UGT1A9: variants seen among roughly 807,000 people sequenced by gnomAD.
UGT1A9 encodes the protein UDP glucuronosyltransferase family 1 member A9, also known as UDP-glucuronosyltransferase 1A9.
Under a neutral mutation model 45.0 loss-of-function variants are expected in UGT1A9, and 35 were observed. That is an observed-to-expected ratio of 0.78 (90% CI 0.59 to 1.03). UGT1A9 has a LOEUF of 1.03. UGT1A9 is among the 50% of genes least tolerant of loss of function. UGT1A9 has a pLI of 0.00. For synonymous variants in UGT1A9, 278 were observed against 250.6 expected (o/e 1.11, Z -1.03); for missense variants, 687 against 666.6 (o/e 1.03, Z -0.34).
Position 233,743,607 on chromosome 2 carries a change from A to G in UGT1A9, c.856-23427A>G, listed in dbSNP as rs531629615. 1.8e-5 allele frequency: 24 copies of G among 1,367,342 alleles called. No homozygotes were observed. In the East Asian group the frequency reaches 1.0e-3, roughly 57 times the overall value. 84.7% of individuals were successfully genotyped at this position (1,367,342 alleles called of 1,614,324 possible). A position where few individuals can be genotyped will look rare whatever the true frequency, so the allele number is the denominator to read the frequency against. The stretch of plus-strand genomic sequence containing the variant: ...AAGGAGAATGGGTCCTGGCCGCCGA[A>G]GAACTCCCTGAAGACGTCGGCTGGG... On this transcript the variant is annotated intron_variant, in intron 1 of 4. Transcript: ENST00000354728.
At chr2:233,687,189 C>T (rs930297706) in intron 1 of UGT1A9, among the ~76,000 whole-genome samples, 15 of 152,120 alleles carry the variant, frequency 9.9e-5, no homozygotes, top group African/African-American at 1.7e-4. Context: ...CAGCAATACC[C>T]GTAATTGGGT....
intron 1 of UGT1A9, among the ~76,000 whole-genome samples, chr2:233,739,668 T>C (rs1477304196): frequency 6.6e-6 from 1 of 152,244 alleles, no homozygotes; most frequent in Non-Finnish European, 1.5e-5. Context: ...CATTGTGTCT[T>C]GGAAGTTACT....
chr2:233,753,915 A>G (rs890179802), intron 1 of UGT1A9, among the ~76,000 whole-genome samples: 2 of 152,336 alleles, frequency 1.3e-5, no homozygotes, highest in African/African-American at 4.8e-5. Context: ...CACCGATTTC[A>G]GCTCAGTGAT....
chr2:233,748,133 A>G (rs1199962839), intron 1 of UGT1A9: 2 of 1,609,694 alleles, frequency 1.2e-6, no homozygotes, highest in Non-Finnish European at 1.7e-6. Context: ...AGTTTTTAAA[A>G]ATTGTATTTA....
At chr2:233,678,458 G>A (rs2074417678) in intron 1 of UGT1A9, among the ~76,000 whole-genome samples, 1 of 152,150 alleles carries the variant, frequency 6.6e-6, no homozygotes, top group African/African-American at 2.4e-5. Flanking sequence ...AGGTGGAAGT[G>A]GAGGCAGGAG....
chr2:233,744,469 A>G (rs965200544), intron 1 of UGT1A9, among the ~76,000 whole-genome samples: 1 of 151,962 alleles, frequency 6.6e-6, no homozygotes, highest in African/African-American at 2.4e-5. Flanking sequence ...AGAATTAAAA[A>G]GACATATTAA....
chr2:233,699,577 G>A (rs1442850819), intron 1 of UGT1A9, among the ~76,000 whole-genome samples: 1 of 152,206 alleles, frequency 6.6e-6, no homozygotes, highest in Non-Finnish European at 1.5e-5. Context: ...CTGGCTCTAG[G>A]ACATCCTTTC....
chr2:233,767,131 C>T lies in UGT1A9; in HGVS notation c.953C>T (p.Ala318Val). The change falls in exon 2 of 5, where the codon GCA becomes GTA. Residue 318 changes from alanine to valine, a missense_variant. Coordinates refer to ENST00000354728, the MANE Select transcript of UGT1A9 (RefSeq NM_021027.3). ...VSEIPEKKAM[A>V]IADALGKIPQ... The stretch of plus-strand genomic sequence containing the variant: ...GAAATTCCAGAGAAGAAAGCTATGG[C>T]AATTGCTGATGCTTTGGGCAAAATC... 1 of 1,614,090 alleles carries T rather than the reference C, an allele frequency of 6.2e-7. No individual in the cohort carries two copies. The highest frequency in any genetic ancestry group is 8.5e-7 in the Non-Finnish European group (1 of 1,180,014).
At chr2:233,735,393 C>T (rs948009314) in intron 1 of UGT1A9, among the ~76,000 whole-genome samples, 32 of 152,066 alleles carry the variant, frequency 2.1e-4, no homozygotes, top group Non-Finnish European at 3.5e-4. Flanking sequence ...TTATTTTGAG[C>T]CTATGTGTGT....
intron 1 of UGT1A9, chr2:233,690,630 C>A (rs918376019): frequency 4.7e-5 from 61 of 1,288,334 alleles, no homozygotes; most frequent in Non-Finnish European, 6.1e-5. Context: ...TCAAGTGATA[C>A]CTGAGGACAC....
At chr2:233,691,415 C>T in intron 1 of UGT1A9, 1 of 985,558 alleles carries the variant, frequency 1.0e-6, no homozygotes, top group Non-Finnish European at 1.2e-6. Context: ...TGGAGTGGCC[C>T]CTCTAATCAT....
At chr2:233,752,913 G>A (rs1372814851) in intron 1 of UGT1A9, among the ~76,000 whole-genome samples, 1 of 152,202 alleles carries the variant, frequency 6.6e-6, no homozygotes, top group East Asian at 1.9e-4. Context: ...CCACCTCTGA[G>A]TGACACTGGT....
chr2:233,730,275 C>T (rs2078008384), intron 1 of UGT1A9, among the ~76,000 whole-genome samples: 1 of 152,142 alleles, frequency 6.6e-6, no homozygotes, highest in Admixed American at 6.5e-5. Flanking sequence ...TTTGTAAAGG[C>T]ACCATCTTCA....
intron 1 of UGT1A9, chr2:233,729,134 C>T (rs143371539): frequency 2.5e-6 from 4 of 1,613,290 alleles, no homozygotes; most frequent in Middle Eastern, 1.8e-4. Flanking sequence ...GAGATGGCCA[C>T]AGGACTCCAG....
intron 1 of UGT1A9, chr2:233,747,709 C>A (rs1194057066): frequency 6.2e-7 from 1 of 1,612,868 alleles, no homozygotes; most frequent in Non-Finnish European, 8.5e-7. Context: ...AAGTACCTAT[C>A]AATTCCTGCT....
intron 1 of UGT1A9, among the ~76,000 whole-genome samples, chr2:233,715,363 T>C (rs142199192): frequency 1.3e-5 from 2 of 150,268 alleles, no homozygotes; most frequent in African/African-American, 4.9e-5. Context: ...TTGAGACTTA[T>C]ATTTTCTTCA....
chr2:233,772,721 A>G lies in UGT1A9; in HGVS notation c.*162A>G, dbSNP rs1307369412. On this transcript the variant is annotated 3_prime_UTR_variant, in exon 5 of 5. Coordinates refer to ENST00000354728, the MANE Select transcript of UGT1A9 (RefSeq NM_021027.3). ...TAAAAAATTCTCTTAAATAAAAATA[A>G]TAGACTCGCTAGTCAGTAAAGATAT... 4.1e-6 allele frequency: 6 copies of G among 1,458,094 alleles called. No individual in the cohort carries two copies. Among genetic ancestry groups the G allele is most frequent in the Non-Finnish European group, 5.4e-6 (6 of 1,108,844 alleles). The allele number at this position is 1,458,094 out of a possible 1,614,324, so 90.3% of individuals were successfully genotyped here.
intron 1 of UGT1A9, among the ~76,000 whole-genome samples, chr2:233,684,025 T>G (rs28898569): frequency 6.6e-6 from 1 of 152,182 alleles, no homozygotes; most frequent in East Asian, 1.9e-4. Flanking sequence ...GGCAAATGCA[T>G]AGTTGCTAAA....
At chr2:233,751,878 G>C (rs139907629) in intron 1 of UGT1A9, among the ~76,000 whole-genome samples, 11 of 152,224 alleles carry the variant, frequency 7.2e-5, no homozygotes, top group African/African-American at 2.4e-4. Flanking sequence ...CCCCGTCTTG[G>C]GTATGTCTTT....
Sources: gnomAD v4.1 joint callset for allele counts (sites outside exome capture counted in the v4.1 genomes callset) on GRCh38, gnomAD v4.1.1 for gene constraint, MANE v1.5 for transcripts, NCBI Gene and HGNC (gene_info 2026-07-23, HGNC 2026-07-21) for gene names.